Variants in COL14A1 observed in about 807,000 individuals in gnomAD.
The protein encoded by COL14A1 is collagen type XIV alpha 1 chain.
In COL14A1, 136 loss-of-function variants were observed where a neutral mutation model predicts 230.3. The observed-to-expected ratio is 0.59, with a 90% CI of 0.51 to 0.68. The LOEUF is 0.68. COL14A1 is among the 30% of genes least tolerant of loss of function. The pLI is 0.00. For synonymous variants in COL14A1, 792 were observed against 784.1 expected (o/e 1.01, Z -0.17); for missense variants, 1,976 against 2,215.8 (o/e 0.89, Z 2.17).
chr8:120,198,424 A>G (rs1402378172), intron 7 of COL14A1, among the ~76,000 whole-genome samples: 1 of 152,096 alleles, frequency 6.6e-6, no homozygotes, highest in African/African-American at 2.4e-5. Context: ...AGTATTTTTG[A>G]TGAATGACGA....
At chr8:120,248,392 C>G (rs906890833) in intron 21 of COL14A1, among the ~76,000 whole-genome samples, 3 of 152,090 alleles carry the variant, frequency 2.0e-5, no homozygotes, top group African/African-American at 7.2e-5. Flanking sequence ...TATGCCCCAG[C>G]ACCTCTTACA....
At chr8:120,203,062 A>G (rs1817306815) in intron 8 of COL14A1, among the ~76,000 whole-genome samples, 1 of 143,298 alleles carries the variant, frequency 7.0e-6, no homozygotes, top group African/African-American at 2.5e-5. Flanking sequence ...AATTTATTTT[A>G]TAGAAACTTA....
At chr8:120,238,465 G>A (rs544520267) in intron 19 of COL14A1, among the ~76,000 whole-genome samples, 1 of 152,244 alleles carries the variant, frequency 6.6e-6, no homozygotes, top group Non-Finnish European at 1.5e-5. Flanking sequence ...CCCCCACCAA[G>A]CTCGAGCATC....
intron 1 of COL14A1, among the ~76,000 whole-genome samples, chr8:120,128,824 A>C (rs370659686): frequency 2.0e-5 from 3 of 152,228 alleles, no homozygotes; most frequent in East Asian, 3.9e-4. Flanking sequence ...TTAGAGAGCA[A>C]TGTTTTGCCT....
At chr8:120,208,903 A>T (rs534839567) in intron 11 of COL14A1, among the ~76,000 whole-genome samples, 3 of 152,236 alleles carry the variant, frequency 2.0e-5, no homozygotes, top group South Asian at 2.1e-4. Context: ...GATAATCTTT[A>T]AAAAAAGATC....
At chr8:120,164,146 C>G (rs903891863) in intron 4 of COL14A1, among the ~76,000 whole-genome samples, 7 of 152,166 alleles carry the variant, frequency 4.6e-5, no homozygotes, top group Admixed American at 4.6e-4. Flanking sequence ...AAAAAATCAT[C>G]AGAATAGTAT....
chr8:120,184,181 T>A (rs1441556996), intron 5 of COL14A1, among the ~76,000 whole-genome samples: 2 of 151,854 alleles, frequency 1.3e-5, no homozygotes, highest in Non-Finnish European at 2.9e-5. Flanking sequence ...AGTGTGTGTG[T>A]ATGTGTGAGA....
intron 1 of COL14A1, among the ~76,000 whole-genome samples, chr8:120,140,232 G>C (rs1418023075): frequency 6.6e-6 from 1 of 151,898 alleles, no homozygotes; most frequent in Non-Finnish European, 1.5e-5. Context: ...TTTCTGTTCT[G>C]TTTCATACTT....
At chr8:120,304,323 A>C (rs543504753) in intron 36 of COL14A1, among the ~76,000 whole-genome samples, 14 of 151,882 alleles carry the variant, frequency 9.2e-5, no homozygotes, top group Admixed American at 6.6e-4. Context: ...TCATTCTCTC[A>C]GTTGTGATAG....
intron 42 of COL14A1, among the ~76,000 whole-genome samples, chr8:120,338,215 C>A (rs947077266): frequency 1.3e-5 from 2 of 152,234 alleles, no homozygotes; most frequent in Non-Finnish European, 2.9e-5. Flanking sequence ...ACTCAAGTTG[C>A]ACCCTAATTC....
At chr8:120,196,460 C>G (rs1392149754) in intron 5 of COL14A1, among the ~76,000 whole-genome samples, 1 of 152,164 alleles carries the variant, frequency 6.6e-6, no homozygotes, top group African/African-American at 2.4e-5. Context: ...TTGCTAAGAC[C>G]TTTCCTGGAA....
At chr8:120,133,585 T>A (rs1015233760) in intron 1 of COL14A1, among the ~76,000 whole-genome samples, 2 of 152,182 alleles carry the variant, frequency 1.3e-5, no homozygotes, top group African/African-American at 4.8e-5. Flanking sequence ...TATTTCAGAT[T>A]AATAGCTCAA....
At chr8:120,249,239 G>T (rs1486405437) in intron 21 of COL14A1, among the ~76,000 whole-genome samples, 1 of 151,862 alleles carries the variant, frequency 6.6e-6, no homozygotes, top group African/African-American at 2.4e-5. Context: ...TTTCATCTGA[G>T]ATATGGTTCT....
At chr8:120,271,382 T>TA (rs57681699) in intron 26 of COL14A1, among the ~76,000 whole-genome samples, 2,912 of 139,852 alleles carry the variant, frequency 0.021, 77 homozygotes, top group Middle Eastern at 0.072. Flanking sequence ...AAAGAAAAGT[T>TA]AAAAAAAAAA....
intron 36 of COL14A1, among the ~76,000 whole-genome samples, chr8:120,308,858 A>G (rs777143508): frequency 3.3e-5 from 5 of 152,222 alleles, no homozygotes; most frequent in Non-Finnish European, 7.3e-5. Context: ...TCTAGTGCCC[A>G]CATGGTCCTC....
intron 18 of COL14A1, among the ~76,000 whole-genome samples, chr8:120,229,060 G>A (rs532086167): frequency 6.7e-6 from 1 of 149,852 alleles, no homozygotes; most frequent in Non-Finnish European, 1.5e-5. Context: ...TGCCTCCCCA[G>A]GGGTCTTTGC....
chr8:120,370,187 C>A, intron 47 of COL14A1: 1 of 738,668 alleles, frequency 1.4e-6, no homozygotes, highest in Non-Finnish European at 2.3e-6. Flanking sequence ...GGGCCATGAA[C>A]TTACTAGTTA....
At chr8:120,304,653 T>G (rs1336940269) in intron 36 of COL14A1, among the ~76,000 whole-genome samples, 2 of 152,234 alleles carry the variant, frequency 1.3e-5, no homozygotes, top group African/African-American at 4.8e-5. Flanking sequence ...GTTTCAATAT[T>G]GTCTTTTGGA....
intron 26 of COL14A1, among the ~76,000 whole-genome samples, chr8:120,270,769 G>A (rs376652267): frequency 9.9e-5 from 15 of 151,850 alleles, no homozygotes; most frequent in African/African-American, 3.1e-4. Flanking sequence ...CTTACACATC[G>A]TTGGCAGAAA....
Sources: gnomAD v4.1 joint callset for allele counts (sites outside exome capture counted in the v4.1 genomes callset) on GRCh38, gnomAD v4.1.1 for gene constraint, MANE v1.5 for transcripts, NCBI Gene and HGNC (gene_info 2026-07-23, HGNC 2026-07-21) for gene names.